Variants in SLC6A3 observed in about 807,000 individuals in gnomAD.
The protein encoded by SLC6A3 is sodium-dependent dopamine transporter.
In SLC6A3, 19 loss-of-function variants were observed where a neutral mutation model predicts 70.4. That is an observed-to-expected ratio of 0.27 (90% CI 0.19 to 0.40). The LOEUF (loss-of-function observed/expected upper bound fraction) is 0.40. Ranked by LOEUF, SLC6A3 falls within the 10% of genes least tolerant of loss-of-function variation. SLC6A3 has a pLI of 1.00. For synonymous variants in SLC6A3, 368 were observed against 356.6 expected (o/e 1.03, Z -0.36); for missense variants, 613 against 838.5 (o/e 0.73, Z 3.32).
intron 1 of SLC6A3, among the ~76,000 whole-genome samples, chr5:1,444,351 C>T (rs1733749720): frequency 1.3e-5 from 2 of 152,092 alleles, no homozygotes; most frequent in African/African-American, 2.4e-5. Flanking sequence ...GTCGAGCGCA[C>T]GCACACACAG....
chr5:1,413,281 T>A lies in SLC6A3; in HGVS notation c.1156+1410A>T, dbSNP rs1756169924. 6.6e-6 allele frequency among the ~76,000 whole-genome samples: 1 copy of A among 152,174 alleles called. No individual in the cohort carries two copies. The highest frequency in any genetic ancestry group is 6.5e-5 in the Admixed American group (1 of 15,286). ...TTCCCTTTCTCCCGCTTTGACTGAA[T>A]TTTTTTTCCTAGTGGAAAGAACATG... On this transcript the variant is annotated intron_variant, in intron 8 of 14. Coordinates refer to ENST00000270349, the MANE Select transcript of SLC6A3 (RefSeq NM_001044.5). The surrounding 1 kb of genome is among the most constrained non-coding windows in gnomAD (Gnocchi z 7.1).
intron 6 of SLC6A3, among the ~76,000 whole-genome samples, chr5:1,416,986 C>T (rs892209836): frequency 6.6e-6 from 1 of 152,094 alleles, no homozygotes; most frequent in Non-Finnish European, 1.5e-5. Flanking sequence ...ACCGCGGCGC[C>T]CTGATAACCC....
chr5:1,407,351 C>T (rs182498779), intron 11 of SLC6A3, among the ~76,000 whole-genome samples: 143 of 151,654 alleles, frequency 9.4e-4, no homozygotes, highest in African/African-American at 3.2e-3. Flanking sequence ...TGGGAGGCAG[C>T]GGGGATGCAG....
chr5:1,414,622 A>G lies in SLC6A3; in HGVS notation c.1156+69T>C, dbSNP rs1034891073. 1.7e-5 allele frequency: 27 copies of G among 1,576,480 alleles called. No individual in the cohort carries two copies. In the African/African-American group the frequency reaches 2.3e-4, roughly 13 times the overall value. ...CGTCTCCTTCCTCTTTCACAAGGAAAAAGGCTTTGCTGAGAGCTCGGCGCT... is the reference window on the plus strand; with the variant it reads ...CGTCTCCTTCCTCTTTCACAAGGAAGAAGGCTTTGCTGAGAGCTCGGCGCT... On this transcript the variant is annotated intron_variant, in intron 8 of 14. Transcript: ENST00000270349.
In SLC6A3 at chr5:1,421,759, A is replaced by C; in HGVS notation, c.792+117T>G. ...TGTCCACCCCAACCTGGCCATGGCC[A>C]CATTGGTAGCACAAAACCCAACTGA... is the stretch of plus-strand genomic sequence containing the variant. On this transcript the variant is annotated intron_variant, in intron 5 of 14. Transcript: ENST00000270349. The surrounding 1 kb of genome is among the most constrained non-coding windows in gnomAD (Gnocchi z 7.2). The C allele has an allele frequency of 8.7e-7, 1 of 1,147,308 alleles. No individual in the cohort carries two copies. The highest frequency in any genetic ancestry group is 1.3e-6 in the Non-Finnish European group (1 of 764,206). The allele number at this position is 1,147,308 out of a possible 1,614,324, so 71.1% of individuals were successfully genotyped here.
intron 4 of SLC6A3, among the ~76,000 whole-genome samples, chr5:1,424,122 GC>G (rs1309721952): frequency 3.9e-5 from 6 of 152,224 alleles, no homozygotes; most frequent in Non-Finnish European, 8.8e-5. Context: ...CCAGGCAGAG[GC>G]CCCAGGTTGG....
intron 4 of SLC6A3, among the ~76,000 whole-genome samples, chr5:1,423,260 T>C (rs2963247): frequency 0.018 from 1,100 of 60,556 alleles, 188 homozygotes; most frequent in South Asian, 0.07. Context: ...GGGTACCCAC[T>C]GCTGCCCACA....
At chr5:1,444,468 ACACAC>A (rs1207021737) in intron 1 of SLC6A3, among the ~76,000 whole-genome samples, 99 of 152,282 alleles carry the variant, frequency 6.5e-4, no homozygotes, top group African/African-American at 2.3e-3. Context: ...AGGTGCGCAC[ACACAC>A]ACAACGACTG....
chr5:1,443,652 C>T (rs1325754947), intron 1 of SLC6A3, among the ~76,000 whole-genome samples: 1 of 152,146 alleles, frequency 6.6e-6, no homozygotes, highest in Admixed American at 6.5e-5. Context: ...GTCTTCATGA[C>T]TGTTCATCTG....
intron 4 of SLC6A3, 81 bp from the exon 5 acceptor site, chr5:1,422,095 C>A: frequency 6.9e-7 from 1 of 1,440,068 alleles, no homozygotes. Flanking sequence ...GTCCGGGGAC[C>A]TGCCCTCCCC....
In SLC6A3 at chr5:1,393,912, G is replaced by A. The variant is rs1029584610; in HGVS notation, c.*823C>T. ...AGGGATAGGACATGCTCCTGTGGGG[G>A]CCCTGCATGCGTCCGGGGATAGGAC... On this transcript the variant is annotated 3_prime_UTR_variant, in exon 15 of 15. Transcript: ENST00000270349. 9.3e-4 allele frequency: 143 copies of A among 153,308 alleles called. No individual in the cohort carries two copies. Among genetic ancestry groups the A allele is most frequent in the Admixed American group, 9.2e-4 (14 of 15,168 alleles). 9.5% of individuals were successfully genotyped at this position (153,308 alleles called of 1,614,324 possible). A position where few individuals can be genotyped will look rare whatever the true frequency, so the allele number is the denominator to read the frequency against.
At chr5:1,418,390 TC>T (rs1756355775) in intron 6 of SLC6A3, among the ~76,000 whole-genome samples, 1 of 152,134 alleles carries the variant, frequency 6.6e-6, no homozygotes, top group Admixed American at 6.5e-5. Context: ...TCATCTATTA[TC>T]TATCAATCAA....
At chr5:1,419,869 G>T (rs1007601338) in intron 6 of SLC6A3, among the ~76,000 whole-genome samples, 1 of 148,266 alleles carries the variant, frequency 6.7e-6, no homozygotes, top group African/African-American at 2.5e-5. Context: ...GTCAGCTGCT[G>T]CCTCCCTGGG....
At chr5:1,424,083 C>T (rs1756524579) in intron 4 of SLC6A3, among the ~76,000 whole-genome samples, 2 of 152,240 alleles carry the variant, frequency 1.3e-5, no homozygotes, top group South Asian at 2.1e-4. Context: ...AAGCGCTGGA[C>T]AGTGCCTCCG....
In SLC6A3 at chr5:1,411,486, A is replaced by G. The variant is rs1756124732; in HGVS notation, c.1157-131T>C. 2 of 734,186 alleles carry G rather than the reference A, an allele frequency of 2.7e-6. No individual in the cohort carries two copies. The highest frequency in any genetic ancestry group is 3.0e-5 in the South Asian group (2 of 67,688). The allele number at this position is 734,186 out of a possible 1,614,324, so 45.5% of individuals were successfully genotyped here. ...ACTAGGGCTGGTGCGGCTCTGCTGAAAAGCCCCCTTCTATATGTCCAGCAG... is the reference window on the plus strand; with the variant it reads ...ACTAGGGCTGGTGCGGCTCTGCTGAGAAGCCCCCTTCTATATGTCCAGCAG... On this transcript the variant is annotated intron_variant, in intron 8 of 14. Transcript: ENST00000270349. The surrounding 1 kb of genome is among the most constrained non-coding windows in gnomAD (Gnocchi z 6.5).
At position 1,443,124 on chromosome 5, in the gene SLC6A3, C is replaced by T. The variant is rs1329405298; in HGVS notation, c.74G>A (p.Gly25Asp). Residue 25 changes from glycine (G) to aspartate (D), a missense_variant, in exon 2 of 15, where the codon GGC becomes GAC. Coordinates refer to ENST00000270349, the MANE Select transcript of SLC6A3 (RefSeq NM_001044.5). Reference protein sequence around the residue: ...VAPAKEPNAVGPKEVELILVK... With the variant: ...VAPAKEPNAVDPKEVELILVK... ...AAGGATGAGCTCCACCTCCTTCGGG[C>T]CCACGGCATTGGGCTCCTTAGCCGG... The T allele has an allele frequency of 1.2e-6, 2 of 1,614,248 alleles. No individual in the cohort carries two copies. The highest frequency in any genetic ancestry group is 2.2e-5 in the South Asian group (2 of 91,090).
intron 6 of SLC6A3, among the ~76,000 whole-genome samples, chr5:1,419,768 A>C (rs1756391013): frequency 6.6e-6 from 1 of 151,552 alleles, no homozygotes; most frequent in African/African-American, 2.4e-5. Flanking sequence ...CTTCCCCTTC[A>C]GTGCTGCAGG....
At chr5:1,409,511 G>T (rs1756063133) in intron 10 of SLC6A3, among the ~76,000 whole-genome samples, 1 of 152,170 alleles carries the variant, frequency 6.6e-6, no homozygotes. Flanking sequence ...TTCTGGGGGA[G>T]CTGTCCAGGT....
intron 7 of SLC6A3, among the ~76,000 whole-genome samples, chr5:1,415,404 T>C (rs776068124): frequency 1.3e-5 from 2 of 152,156 alleles, no homozygotes; most frequent in Non-Finnish European, 2.9e-5. Flanking sequence ...GCAGAGCACC[T>C]GGACCCAGGT....
Sources: allele counts gnomAD v4.1 joint callset (sites outside exome capture counted in the v4.1 genomes callset), GRCh38; gene constraint gnomAD v4.1.1; non-coding constraint Gnocchi (gnomAD v3.1); transcripts MANE v1.5; gene names NCBI Gene and HGNC (gene_info 2026-07-23, HGNC 2026-07-21).